PDZD2: variants seen among roughly 807,000 people sequenced by gnomAD.
The protein encoded by PDZD2 is PDZ domain containing 2.
PDZD2 carries 90 observed loss-of-function variants against 220.7 expected under a neutral mutation model. That is an observed-to-expected ratio of 0.41 (90% CI 0.34 to 0.49). PDZD2 has a LOEUF of 0.49. PDZD2 is among the 20% of genes least tolerant of loss of function. The pLI is 0.28. For missense variants in PDZD2, 3,174 were observed against 3,608.5 expected, an observed-to-expected ratio of 0.88 and a Z score of 3.08; for synonymous variants, 1,375 against 1,450.5, an observed-to-expected ratio of 0.95 and a Z score of 1.18.
intron 2 of PDZD2, chr5:31,936,231 C>G: frequency 1.0e-6 from 1 of 987,758 alleles, no homozygotes; most frequent in Non-Finnish European, 1.2e-6. Context: ...TAACCCAGGA[C>G]TTTAAAGACC....
intron 10 of PDZD2, among the ~76,000 whole-genome samples, chr5:32,056,860 C>T (rs148075354): frequency 0.014 from 2,160 of 152,150 alleles, 26 homozygotes; most frequent in Non-Finnish European, 0.019. Flanking sequence ...GAAGCCGAGG[C>T]GGGCAGATCA....
chr5:32,049,672 C>G (rs552955196), intron 8 of PDZD2, among the ~76,000 whole-genome samples: 10 of 152,336 alleles, frequency 6.6e-5, no homozygotes, highest in South Asian at 6.2e-4. Context: ...TAAAGTATTT[C>G]TGTTGCTTCC....
intron 10 of PDZD2, among the ~76,000 whole-genome samples, chr5:32,057,057 G>T (rs554223717): frequency 6.6e-6 from 1 of 152,122 alleles, no homozygotes; most frequent in African/African-American, 2.4e-5. Flanking sequence ...TCACGCCACC[G>T]CACTCTAGCC....
intron 1 of PDZD2, among the ~76,000 whole-genome samples, chr5:31,644,836 C>A (rs1561359951): frequency 6.6e-6 from 1 of 152,188 alleles, no homozygotes; most frequent in South Asian, 2.1e-4. Context: ...GCATTGAACA[C>A]CTGGTTGACA....
intron 1 of PDZD2, among the ~76,000 whole-genome samples, chr5:31,726,267 G>A (rs1580631160): frequency 6.6e-6 from 1 of 152,286 alleles, no homozygotes; most frequent in African/African-American, 2.4e-5. Flanking sequence ...GGTGGCTCAC[G>A]CCTATAATCC....
chr5:31,744,060 G>A (rs1012508590), intron 1 of PDZD2: 1 of 152,188 alleles, frequency 6.6e-6, no homozygotes, highest in African/African-American at 2.4e-5. Context: ...GCTTTATACA[G>A]GGCTGATCTG....
intron 1 of PDZD2, among the ~76,000 whole-genome samples, chr5:31,642,959 G>T (rs1377803908): frequency 6.6e-6 from 1 of 152,192 alleles, no homozygotes; most frequent in Admixed American, 6.5e-5. Context: ...GTTGGGGTCA[G>T]AGGCTTTGGC....
intron 2 of PDZD2, among the ~76,000 whole-genome samples, chr5:31,849,539 G>A (rs545001478): frequency 1.3e-5 from 2 of 151,990 alleles, no homozygotes; most frequent in Admixed American, 1.3e-4. Flanking sequence ...GAACAGGAGC[G>A]AAGCTATGAA....
At chr5:31,669,641 A>G (rs969937056) in intron 1 of PDZD2, among the ~76,000 whole-genome samples, 1 of 152,196 alleles carries the variant, frequency 6.6e-6, no homozygotes, top group African/African-American at 2.4e-5. Context: ...ATGGCTTTCC[A>G]AAGTTCACAG....
intron 2 of PDZD2, among the ~76,000 whole-genome samples, chr5:31,886,700 CTCTTT>C (rs113893562): frequency 0.13 from 15,980 of 124,300 alleles, 2,759 homozygotes; most frequent in African/African-American, 0.4. Flanking sequence ...TTGTCTCTGT[CTCTTT>C]TTTTTTTTTT....
intron 2 of PDZD2, among the ~76,000 whole-genome samples, chr5:31,971,171 A>G (rs1308568282): frequency 6.6e-6 from 1 of 152,212 alleles, no homozygotes; most frequent in Non-Finnish European, 1.5e-5. Context: ...TCATGAAAAC[A>G]GAAACTTATT....
intron 1 of PDZD2, among the ~76,000 whole-genome samples, chr5:31,737,167 C>CTTTTTTT (rs57379430): frequency 3.2e-4 from 21 of 66,322 alleles, no homozygotes; most frequent in African/African-American, 6.4e-4. Context: ...CAGTCTACTT[C>CTTTTTTT]TTTTTTTTTT....
chr5:31,907,069 T>C (rs981030298), intron 2 of PDZD2, among the ~76,000 whole-genome samples: 29 of 152,218 alleles, frequency 1.9e-4, no homozygotes, highest in African/African-American at 7.0e-4. Context: ...TGTCTTGTTA[T>C]AGTGGATGAT....
chr5:31,785,125 TG>T (rs995511894), intron 1 of PDZD2, among the ~76,000 whole-genome samples: 2 of 152,274 alleles, frequency 1.3e-5, no homozygotes, highest in African/African-American at 4.8e-5. Context: ...ATTGATTACG[TG>T]GATGCAAACA....
At chr5:31,795,593 G>A (rs1015224673) in intron 1 of PDZD2, among the ~76,000 whole-genome samples, 1 of 152,182 alleles carries the variant, frequency 6.6e-6, no homozygotes, top group South Asian at 2.1e-4. Flanking sequence ...GCACAGACTA[G>A]CCATCCAGGG....
intron 2 of PDZD2, among the ~76,000 whole-genome samples, chr5:31,835,595 C>T (rs1036107593): frequency 2.7e-4 from 39 of 143,028 alleles, no homozygotes; most frequent in African/African-American, 9.8e-4. Flanking sequence ...CCAGCCTGGG[C>T]AACAATAGTG....
At chr5:31,862,089 T>G (rs1156698923) in intron 2 of PDZD2, among the ~76,000 whole-genome samples, 8 of 141,166 alleles carry the variant, frequency 5.7e-5, no homozygotes, top group African/African-American at 1.8e-4. Context: ...AGACTCAATG[T>G]TTTTTTTTTG....
chr5:31,915,262 TG>T (rs1190500412), intron 2 of PDZD2, among the ~76,000 whole-genome samples: 1 of 151,776 alleles, frequency 6.6e-6, no homozygotes. Context: ...GGCAAAAAAA[TG>T]ATGAGCCCGT....
chr5:32,072,344 G>C (rs756692000), intron 17 of PDZD2, 27 bp downstream of exon 17: 1 of 1,581,006 alleles, frequency 6.3e-7, no homozygotes, highest in South Asian at 1.1e-5. Flanking sequence ...CAGAGGGCCT[G>C]GGCTCTGCAT....
Sources: allele counts gnomAD v4.1 joint callset (sites outside exome capture counted in the v4.1 genomes callset), GRCh38; gene constraint gnomAD v4.1.1; transcripts MANE v1.5; gene names NCBI Gene and HGNC (gene_info 2026-07-23, HGNC 2026-07-21).